Variants in ABCC9 observed in about 807,000 individuals in gnomAD.
The protein encoded by ABCC9 is ATP-binding cassette sub-family C member 9.
Under a neutral mutation model 188.3 loss-of-function variants are expected in ABCC9, and 95 were observed. The observed-to-expected ratio is 0.50, with a 90% CI of 0.43 to 0.60. ABCC9 has a LOEUF of 0.60. Among genes scored for constraint, ABCC9 ranks in the 20% least tolerant of loss-of-function variants. ABCC9 has a pLI of 0.00. For synonymous variants in ABCC9, 659 were observed against 652.7 expected (o/e 1.01, Z -0.15); for missense variants, 1,102 against 1,876.3 (o/e 0.59, Z 7.62).
At chr12:21,860,688 A>C (rs1038987266) in intron 21 of ABCC9, among the ~76,000 whole-genome samples, 2 of 152,196 alleles carry the variant, frequency 1.3e-5, no homozygotes, top group South Asian at 4.1e-4. Flanking sequence ...CCACGTAAGC[A>C]AAAATGCATT....
Position 21,932,373 on chromosome 12 carries a change from C to T in ABCC9, c.284+1409G>A, listed in dbSNP as rs1216561928. On this transcript the variant is annotated intron_variant, in intron 4 of 39. Transcript: ENST00000261200. ...ATAGGTATGAGCAAAGATTCCATGA[C>T]AAAGATGCCAAAAACAATTGCAACA... is the stretch of plus-strand genomic sequence containing the variant. Among the ~76,000 whole-genome samples the T allele has an allele frequency of 4.6e-5, 7 of 151,966 alleles. No individual in the cohort carries two copies. In the South Asian group the frequency reaches 1.2e-3, roughly 27 times the overall value.
At chr12:21,850,038 G>T (rs1944880497) in intron 24 of ABCC9, among the ~76,000 whole-genome samples, 1 of 151,644 alleles carries the variant, frequency 6.6e-6, no homozygotes, top group Non-Finnish European at 1.5e-5. Context: ...TTCTCCACTT[G>T]CTTGATCTGT....
At chr12:21,811,002 A>G (rs966515587) in intron 36 of ABCC9, among the ~76,000 whole-genome samples, 1 of 152,138 alleles carries the variant, frequency 6.6e-6, no homozygotes, top group Non-Finnish European at 1.5e-5. Flanking sequence ...TGATGCTGAT[A>G]TCATTTTGCT....
At position 21,800,033 on chromosome 12, in the gene ABCC9, G is replaced by T. The variant is rs1258872643; in HGVS notation, c.*1011C>A. The T allele has an allele frequency of 6.6e-6, 1 of 152,156 alleles. No individual in the cohort carries two copies. The highest frequency in any genetic ancestry group is 2.4e-5 in the African/African-American group (1 of 41,428). 9.4% of individuals were successfully genotyped at this position (152,156 alleles called of 1,614,324 possible). A position where few individuals can be genotyped will look rare whatever the true frequency, so the allele number is the denominator to read the frequency against. On this transcript the variant is annotated 3_prime_UTR_variant, in exon 40 of 40. Transcript: ENST00000261200. Reference sequence around the variant, plus strand: ...TGACACCATTGGGCATAAATGTCTAGAAGAGGTAAACTCTTTCAGCTAGAA... The same window carrying T: ...TGACACCATTGGGCATAAATGTCTATAAGAGGTAAACTCTTTCAGCTAGAA...
chr12:21,892,593 G>A (rs562239525), intron 14 of ABCC9, among the ~76,000 whole-genome samples: 52 of 152,268 alleles, frequency 3.4e-4, no homozygotes, highest in African/African-American at 1.2e-3. Context: ...GAAAATGAGG[G>A]CAGATGTGGC....
chr12:21,915,043 G>T (rs1305124449), intron 7 of ABCC9, among the ~76,000 whole-genome samples: 1 of 151,604 alleles, frequency 6.6e-6, no homozygotes, highest in Non-Finnish European at 1.5e-5. Flanking sequence ...TGGGATTACA[G>T]GCATGCGTCA....
chr12:21,879,454 A>G (rs1456323495), intron 16 of ABCC9, among the ~76,000 whole-genome samples: 1 of 152,102 alleles, frequency 6.6e-6, no homozygotes, highest in Non-Finnish European at 1.5e-5. Flanking sequence ...GGCGAGTGGG[A>G]AATGGGGAGC....
intron 25 of ABCC9, among the ~76,000 whole-genome samples, chr12:21,847,444 A>G (rs139976258): frequency 0.025 from 3,767 of 152,154 alleles, 144 homozygotes; most frequent in African/African-American, 0.086. Flanking sequence ...TTGACTTGAA[A>G]TGAACATTTT....
In ABCC9 at chr12:21,800,908, A is replaced by G; in HGVS notation, c.*136T>C. The G allele has an allele frequency of 9.8e-7, 1 of 1,022,628 alleles. No homozygotes were observed. Among genetic ancestry groups the G allele is most frequent in the Non-Finnish European group, 1.4e-6 (1 of 696,088 alleles). The allele number at this position is 1,022,628 out of a possible 1,614,324, so 63.3% of individuals were successfully genotyped here. On this transcript the variant is annotated 3_prime_UTR_variant, in exon 40 of 40. Coordinates refer to ENST00000261200, the MANE Select transcript of ABCC9 (RefSeq NM_020297.4). ...CTTGAAAAACTGTTTTAAAAACAGG[A>G]AAAATAAATGTCCACTTTTTGTGCA...
rs61688134 is a variant in ABCC9, at chr12:21,864,476, C to T, written c.2200G>A (p.Val734Ile). The change falls in exon 19 of 40, where the codon GTA becomes ATA. Residue 734 changes from valine to isoleucine, a missense_variant and splice_region_variant. Val to Ile is a conservative substitution (Grantham distance 29). Transcript: ENST00000261200. ...TLEGKVHWSN[V>I]NESEPSFEAT... ...TCAAAAGAAGGCTCAGATTCATTTACACTGCAAGTATGGCAAACAATGTTC... is the reference window on the plus strand; with the variant it reads ...TCAAAAGAAGGCTCAGATTCATTTATACTGCAAGTATGGCAAACAATGTTC... The T allele has an allele frequency of 0.01, 16,498 of 1,587,612 alleles. 97 individuals carry two copies. The highest frequency in any genetic ancestry group is 0.013 in the Non-Finnish European group (14,782 of 1,156,080).
intron 22 of ABCC9, among the ~76,000 whole-genome samples, chr12:21,853,079 C>G (rs1460119733): frequency 1.3e-5 from 2 of 152,100 alleles, no homozygotes; most frequent in Admixed American, 1.3e-4. Context: ...TTTTGGGAGG[C>G]CAAGGCAGGC....
chr12:21,929,247 G>C (rs1949176470), intron 4 of ABCC9, among the ~76,000 whole-genome samples: 1 of 151,754 alleles, frequency 6.6e-6, no homozygotes, highest in African/African-American at 2.4e-5. Flanking sequence ...TGAAGTATTT[G>C]ACTATAATAA....
chr12:21,808,793 A>G (rs902998203), intron 37 of ABCC9, among the ~76,000 whole-genome samples: 12 of 150,748 alleles, frequency 8.0e-5, no homozygotes, highest in East Asian at 1.9e-4. Flanking sequence ...AAAAAAAAAA[A>G]AAAAAAGAAA....
chr12:21,871,326 T>C (rs182537211), intron 18 of ABCC9, among the ~76,000 whole-genome samples: 82 of 152,254 alleles, frequency 5.4e-4, no homozygotes, highest in African/African-American at 1.9e-3. Context: ...GTAGCAATGT[T>C]TCACTGAGCT....
At chr12:21,861,795 T>C (rs1945519159) in intron 20 of ABCC9, among the ~76,000 whole-genome samples, 1 of 152,060 alleles carries the variant, frequency 6.6e-6, no homozygotes, top group African/African-American at 2.4e-5. Context: ...TCATGATGAA[T>C]GTAAGGGACT....
intron 17 of ABCC9, among the ~76,000 whole-genome samples, chr12:21,873,638 G>A (rs1489287981): frequency 6.6e-6 from 1 of 152,082 alleles, no homozygotes; most frequent in East Asian, 1.9e-4. Flanking sequence ...CAAAGCTGGA[G>A]GTATCACACT....
chr12:21,895,412 A>G (rs1299162191), intron 12 of ABCC9, 97 bp from the exon 13 acceptor site: 7 of 1,082,676 alleles, frequency 6.5e-6, no homozygotes, highest in Admixed American at 3.5e-5. Flanking sequence ...CTTTGAAGAC[A>G]GGAAGGACAA....
chr12:21,821,170 C>T (rs1236423469), intron 31 of ABCC9, among the ~76,000 whole-genome samples: 3 of 152,116 alleles, frequency 2.0e-5, no homozygotes, highest in Non-Finnish European at 4.4e-5. Flanking sequence ...TAAGTCTCTA[C>T]CAATCTCATT....
At position 21,852,479 on chromosome 12, in the gene ABCC9, A is replaced by G; in HGVS notation, c.2532T>C (p.Ile844=). The part of the protein sequence containing the change: ...FLDDPFSALD[I]HLSDHLMQEG... ...CCTGCATTAAATGATCACTCAAGTG[A>G]ATGTCCAGGGCTGAGAATGGATCAT... is the stretch of plus-strand genomic sequence containing the variant. The change falls in exon 23 of 40, where the codon ATT becomes ATC. Residue 844 remains isoleucine, a synonymous_variant. Coordinates refer to ENST00000261200, the MANE Select transcript of ABCC9 (RefSeq NM_020297.4). 6.2e-7 allele frequency: 1 copy of G among 1,612,566 alleles called. No individual in the cohort carries two copies. The highest frequency in any genetic ancestry group is 8.5e-7 in the Non-Finnish European group (1 of 1,179,962).
Sources: allele counts gnomAD v4.1 joint callset (sites outside exome capture counted in the v4.1 genomes callset), GRCh38; gene constraint gnomAD v4.1.1; transcripts MANE v1.5; gene names NCBI Gene and HGNC (gene_info 2026-07-23, HGNC 2026-07-21).